Variants in MOCS1 observed in about 807,000 individuals in gnomAD.
MOCS1 encodes molybdenum cofactor synthesis 1.
A neutral mutation model predicts 57.6 loss-of-function variants in MOCS1; 39 were observed. The ratio of observed to expected loss-of-function variants is 0.68; its 90% confidence interval spans 0.52 to 0.88. The LOEUF is 0.88. Among genes scored for constraint, MOCS1 ranks in the 40% least tolerant of loss-of-function variants. The pLI is 0.00. For missense variants in MOCS1, 795 were observed against 831.1 expected, an observed-to-expected ratio of 0.96 and a Z score of 0.53; for synonymous variants, 334 against 335.7, an observed-to-expected ratio of 1.00 and a Z score of 0.05.
chr6:39,915,990 T>A (rs1767633755), intron 4 of MOCS1, 78 bp downstream of exon 4: 1 of 1,503,722 alleles, frequency 6.7e-7, no homozygotes, highest in Non-Finnish European at 9.0e-7. Context: ...ACCAGGCCCC[T>A]GGCTCAGCAA....
chr6:39,927,648 A>C, intron 1 of MOCS1, 193 bp from the exon 2 acceptor site: 1 of 1,584,782 alleles, frequency 6.3e-7, no homozygotes, highest in Admixed American at 1.7e-5. Flanking sequence ...GATGGGAAGG[A>C]CCCACCCCTT....
chr6:39,934,400 C>T lies in MOCS1; in HGVS notation c.18G>A (p.Leu6=). The change falls in exon 1 of 11, where the codon CTG becomes CTA. Residue 6 remains leucine (L), a synonymous_variant. Coordinates refer to ENST00000340692, the MANE Select transcript of MOCS1 (RefSeq NM_001358530.2). The part of the protein sequence containing the change: MAARP[L]SRMLRRLLRS... The stretch of plus-strand genomic sequence containing the variant: ...TCAGAAGCCGCCGCAGCATCCGGGA[C>T]AGTGGCCGCGCCGCCATGAAGCCTG... 6.4e-7 allele frequency: 1 copy of T among 1,565,892 alleles called. No homozygotes were observed. Among genetic ancestry groups the T allele is most frequent in the Non-Finnish European group, 8.6e-7 (1 of 1,160,816 alleles).
chr6:39,921,436 A>AT (rs1395856466), intron 3 of MOCS1, among the ~76,000 whole-genome samples: 3 of 152,152 alleles, frequency 2.0e-5, no homozygotes, highest in Non-Finnish European at 4.4e-5. Context: ...CATTGGTGGT[A>AT]TAGTGGGTTT....
intron 5 of MOCS1, 117 bp downstream of exon 5, chr6:39,913,657 G>A (rs943607946): frequency 7.1e-5 from 86 of 1,209,168 alleles, no homozygotes; most frequent in Middle Eastern, 4.5e-4. Flanking sequence ...AAGGGTGCAC[G>A]TACTTCAGCC....
Position 39,927,336 on chromosome 6 carries a change from G to T in MOCS1, c.243C>A (p.Asn81Lys). The change falls in exon 2 of 11, where the codon AAC becomes AAA. Residue 81 changes from asparagine to lysine, a missense_variant. Physicochemically the swap from Asn to Lys is moderately conservative, Grantham distance 94. Transcript: ENST00000340692. ...YLRISLTEKCNLRCQYCMPEE... is the reference protein window; with the variant it reads ...YLRISLTEKCKLRCQYCMPEE... The stretch of plus-strand genomic sequence containing the variant: ...CCCAGGAAGGTGACTCACATCTGAG[G>T]TTGCACTTCTCTGTGAGGGAGATCC... 1 of 1,611,150 alleles carries T rather than the reference G, an allele frequency of 6.2e-7. No homozygotes were observed.
At position 39,912,954 on chromosome 6, in the gene MOCS1, T is replaced by G; in HGVS notation, c.808A>C (p.Thr270Pro). 6.2e-7 allele frequency: 1 copy of G among 1,614,156 alleles called. No homozygotes were observed. The change falls in exon 7 of 11, where the codon ACT becomes CCT. Residue 270 changes from threonine to proline, a missense_variant. This residue lies in a region of MOCS1 where 416 missense variants were observed against 392.4 expected (regional missense o/e 1.06). Coordinates refer to ENST00000340692, the MANE Select transcript of MOCS1 (RefSeq NM_001358530.2). ...AGCTCTGGCCACTGCTGCCGGACAG[T>G]GTCTAGCATCTCCTTATAGCTGACC... ...KMVSYKEMLD[T>P]VRQQWPELEK...
intron 9 of MOCS1, 27 bp from the exon 10 acceptor site, chr6:39,909,129 A>G: frequency 2.7e-6 from 4 of 1,474,768 alleles, no homozygotes; most frequent in Non-Finnish European, 3.7e-6. Context: ...ATGGGGAGGG[A>G]GAGGAAAGCA....
intron 1 of MOCS1, among the ~76,000 whole-genome samples, chr6:39,930,659 G>A (rs1242626042): frequency 6.6e-6 from 1 of 152,190 alleles, no homozygotes; most frequent in African/African-American, 2.4e-5. Flanking sequence ...TCAAGAAGGA[G>A]CTAGAATCTG....
chr6:39,912,137 T>C, intron 8 of MOCS1, 127 bp downstream of exon 8: 4 of 778,696 alleles, frequency 5.1e-6, no homozygotes, highest in Non-Finnish European at 9.2e-6. Context: ...AACCTGACAT[T>C]ATTGCACCAA....
intron 10 of MOCS1, among the ~76,000 whole-genome samples, chr6:39,908,173 C>T (rs1454411105): frequency 2.6e-5 from 4 of 152,180 alleles, no homozygotes; most frequent in Non-Finnish European, 5.9e-5. Flanking sequence ...CAAAGATGGT[C>T]CTTGGGCTGT....
chr6:39,909,132 G>C (rs762936671), intron 9 of MOCS1, 30 bp from the exon 10 acceptor site: 7 of 1,471,284 alleles, frequency 4.8e-6, no homozygotes, highest in Non-Finnish European at 5.7e-6. Flanking sequence ...GGGAGGGAGA[G>C]GAAAGCAGGG....
intron 1 of MOCS1, chr6:39,927,849 G>T: frequency 1.1e-6 from 1 of 951,012 alleles, no homozygotes; most frequent in Non-Finnish European, 1.4e-6. Flanking sequence ...AAGGCCACAA[G>T]CAAGGCCCAA....
In MOCS1 at chr6:39,934,285, G is replaced by T; in HGVS notation, c.123+10C>A. The T allele has an allele frequency of 6.5e-7, 1 of 1,540,192 alleles. No homozygotes were observed. On this transcript the variant is annotated intron_variant, in intron 1 of 10. Coordinates refer to ENST00000340692, the MANE Select transcript of MOCS1 (RefSeq NM_001358530.2). Reference sequence around the variant, plus strand: ...CCGGGAAGCTGTGGACGCAGGCGGGGTGGGCTCACCTCCGAGGCAGCTCGC... The same window carrying T: ...CCGGGAAGCTGTGGACGCAGGCGGGTTGGGCTCACCTCCGAGGCAGCTCGC...
intron 3 of MOCS1, among the ~76,000 whole-genome samples, chr6:39,918,229 T>G (rs1332089420): frequency 2.0e-5 from 3 of 152,204 alleles, no homozygotes; most frequent in Non-Finnish European, 2.9e-5. Context: ...TCCAAGAAGC[T>G]ATGTAAACGT....
Position 39,905,232 on chromosome 6 carries a change from G to T in MOCS1, c.*1125C>A, listed in dbSNP as rs1766793430. The T allele has an allele frequency of 4.4e-6, 2 of 454,166 alleles. No individual in the cohort carries two copies. The highest frequency in any genetic ancestry group is 8.8e-6 in the Non-Finnish European group (2 of 226,946). 28.1% of individuals were successfully genotyped at this position (454,166 alleles called of 1,614,324 possible). A position where few individuals can be genotyped will look rare whatever the true frequency, so the allele number is the denominator to read the frequency against. ...GAGCCTCTAATTAATTGCCCTCTCTGATCTCTCTAATAGCTGGTAATGCAA... is the reference window on the plus strand; with the variant it reads ...GAGCCTCTAATTAATTGCCCTCTCTTATCTCTCTAATAGCTGGTAATGCAA... On this transcript the variant is annotated 3_prime_UTR_variant, in exon 11 of 11. Transcript: ENST00000340692.
At chr6:39,914,004 C>T (rs149812203) in intron 4 of MOCS1, among the ~76,000 whole-genome samples, 169 bp from the exon 5 acceptor site, 13 of 152,282 alleles carry the variant, frequency 8.5e-5, no homozygotes, top group Admixed American at 5.2e-4. Context: ...ATTGAGGATC[C>T]GTGTAAGTAC....
rs376644546 is a variant in MOCS1, at chr6:39,922,903, C to G, written c.418+2775G>C. On this transcript the variant is annotated intron_variant, in intron 3 of 10. Coordinates refer to ENST00000340692, the MANE Select transcript of MOCS1 (RefSeq NM_001358530.2). ...GAACATCCTGGCCCTGACTTCTGTT[C>G]TCTCTCTTCCCCCATCCCTCCTTCC... is the stretch of plus-strand genomic sequence containing the variant. Among the ~76,000 whole-genome samples the G allele has an allele frequency of 2.2e-4, 33 of 152,356 alleles. No homozygotes were observed. The South Asian group carries it at 3.3e-3, about 15-fold the overall frequency.
rs766310711 is a variant in MOCS1, at chr6:39,927,254, C to T, written c.250+75G>A. The T allele has an allele frequency of 5.1e-6, 8 of 1,569,450 alleles. No homozygotes were observed. The South Asian group carries it at 9.1e-5, about 18-fold the overall frequency. Reference sequence around the variant, plus strand: ...GAACTGGAGGACACAGGAGGATTTCCAGGCACAGGGAAATTTCAAGGGCTG... The same window carrying T: ...GAACTGGAGGACACAGGAGGATTTCTAGGCACAGGGAAATTTCAAGGGCTG... On this transcript the variant is annotated intron_variant, in intron 2 of 10. Transcript: ENST00000340692.
intron 8 of MOCS1, among the ~76,000 whole-genome samples, chr6:39,911,811 C>CTG (rs1405850791): frequency 6.6e-6 from 1 of 152,220 alleles, no homozygotes; most frequent in African/African-American, 2.4e-5. Context: ...TTGGTCTTGC[C>CTG]TGTGAGTCTG....
Sources: allele counts gnomAD v4.1 joint callset (sites outside exome capture counted in the v4.1 genomes callset), GRCh38; gene constraint gnomAD v4.1.1; regional missense constraint gnomAD v4.1.1; transcripts MANE v1.5; gene names NCBI Gene and HGNC (gene_info 2026-07-23, HGNC 2026-07-21).